The following NALF1 variants were observed in gnomAD, a reference collection of about 807,000 sequenced individuals.
The protein encoded by NALF1 is NALCN channel auxiliary factor 1.
NALF1 carries 3 observed loss-of-function variants against 48.4 expected under a neutral mutation model. The ratio of observed to expected loss-of-function variants is 0.06; its 90% CI spans 0.03 to 0.16. NALF1 has a LOEUF of 0.16. NALF1 is among the 10% of genes least tolerant of loss of function. The pLI is 1.00. For synonymous variants in NALF1, 262 were observed against 245.7 expected (o/e 1.07, Z -0.62); for missense variants, 526 against 571.5 (o/e 0.92, Z 0.81).
chr13:107,625,058 C>T (rs1031447700), intron 1 of NALF1, among the ~76,000 whole-genome samples: 4 of 152,156 alleles, frequency 2.6e-5, no homozygotes, highest in Non-Finnish European at 5.9e-5. Context: ...TCTACTGTGG[C>T]CCCTAATTGG....
chr13:107,812,653 G>A (rs1326560827), intron 1 of NALF1, among the ~76,000 whole-genome samples: 1 of 152,110 alleles, frequency 6.6e-6, no homozygotes, highest in Non-Finnish European at 1.5e-5. Context: ...ATGATTGTAA[G>A]TAGTTAATAT....
intron 1 of NALF1, among the ~76,000 whole-genome samples, chr13:107,741,057 C>T (rs916203454): frequency 3.9e-5 from 6 of 152,172 alleles, no homozygotes. Context: ...CACATTGATT[C>T]TCTTGTTTGG....
chr13:107,756,450 T>TATATATATATATATAC (rs1315578092), intron 1 of NALF1, among the ~76,000 whole-genome samples: 3 of 150,788 alleles, frequency 2.0e-5, no homozygotes, highest in African/African-American at 7.3e-5. Flanking sequence ...TATATATATA[T>TATATATATATATATAC]ATATAAAGCA....
At chr13:107,657,914 C>A (rs529227394) in intron 1 of NALF1, among the ~76,000 whole-genome samples, 31 of 152,224 alleles carry the variant, frequency 2.0e-4, no homozygotes, top group Non-Finnish European at 3.7e-4. Flanking sequence ...TAGTGAGGAG[C>A]TTTGGTGGTA....
Position 107,638,201 on chromosome 13 carries a change from A to ATATATATATATATATATATGTATG in NALF1, c.915+227480_915+227481insCATACATATATATATATATATATA, listed in dbSNP as rs372122331. ...TATATAAAGATTTATATATATATAT[A>ATATATATATATATATATATGTATG]TATATAATTTAAGATGAACATTGGG... On this transcript the variant is annotated intron_variant, in intron 1 of 2. Coordinates refer to ENST00000375915, the MANE Select transcript of NALF1 (RefSeq NM_001080396.3). 8.9e-3 allele frequency among the ~76,000 whole-genome samples: 987 copies of ATATATATATATATATATATGTATG among 110,796 alleles called. 91 individuals are homozygous for ATATATATATATATATATATGTATG. The highest frequency in any genetic ancestry group is 0.039 in the East Asian group (74 of 1,922). The allele number at this position is 110,796 out of a possible 152,430, so 72.7% of individuals were successfully genotyped here.
intron 1 of NALF1, among the ~76,000 whole-genome samples, chr13:107,718,840 G>T (rs529819800): frequency 2.0e-5 from 3 of 152,182 alleles, no homozygotes; most frequent in East Asian, 1.9e-4. Flanking sequence ...TCATTTCCTC[G>T]GTCACCTTAG....
intron 1 of NALF1, among the ~76,000 whole-genome samples, chr13:107,244,584 A>G (rs914809413): frequency 4.6e-5 from 7 of 152,080 alleles, no homozygotes; most frequent in African/African-American, 1.7e-4. Context: ...TGCTTTTTGT[A>G]CATCTTTTGA....
chr13:107,410,913 C>T (rs1883978830), intron 1 of NALF1, among the ~76,000 whole-genome samples: 2 of 152,132 alleles, frequency 1.3e-5, no homozygotes, highest in South Asian at 4.1e-4. Flanking sequence ...TTAAAATGCC[C>T]AGTTCACGGG....
intron 1 of NALF1, among the ~76,000 whole-genome samples, chr13:107,716,390 G>C (rs551340082): frequency 6.6e-5 from 10 of 152,242 alleles, no homozygotes; most frequent in East Asian, 1.9e-4. Flanking sequence ...CCCTGCAAAG[G>C]CTTCATCAGT....
intron 1 of NALF1, among the ~76,000 whole-genome samples, chr13:107,757,337 G>T (rs1301386380): frequency 6.6e-6 from 1 of 151,106 alleles, no homozygotes; most frequent in Non-Finnish European, 1.5e-5. Context: ...TTATTTTGGA[G>T]AAACAGCAAT....
intron 1 of NALF1, among the ~76,000 whole-genome samples, chr13:107,646,933 C>T (rs1880329088): frequency 6.6e-6 from 1 of 151,950 alleles, no homozygotes; most frequent in African/African-American, 2.4e-5. Context: ...AAAGATTTGA[C>T]ATCACATCAA....
intron 1 of NALF1, among the ~76,000 whole-genome samples, chr13:107,270,149 T>C (rs1881131211): frequency 6.6e-6 from 1 of 152,084 alleles, no homozygotes; most frequent in East Asian, 1.9e-4. Context: ...TATGAGGCCA[T>C]CAAAATGTAA....
chr13:107,864,549 AAGAG>A (rs1033412607), intron 1 of NALF1, among the ~76,000 whole-genome samples: 1 of 152,202 alleles, frequency 6.6e-6, no homozygotes, highest in Non-Finnish European at 1.5e-5. Context: ...GTAGGAGAGA[AAGAG>A]AGAGAATGTG....
At position 107,615,683 on chromosome 13, in the gene NALF1, G is replaced by T. The variant is rs138232704; in HGVS notation, c.915+249999C>A. Among the ~76,000 whole-genome samples the T allele has an allele frequency of 4.4e-3, 664 of 152,214 alleles. 6 individuals carry two copies. Among genetic ancestry groups the T allele is most frequent in the African/African-American group, 0.015 (625 of 41,548 alleles). On this transcript the variant is annotated intron_variant, in intron 1 of 2. Transcript: ENST00000375915. The stretch of plus-strand genomic sequence containing the variant: ...TGTGCCCTGATATAAAAAGGGTGGG[G>T]TGCACTGGTCCATACTAGTCATTTG...
chr13:107,654,660 C>T (rs1033486290), intron 1 of NALF1, among the ~76,000 whole-genome samples: 1 of 151,848 alleles, frequency 6.6e-6, no homozygotes, highest in Non-Finnish European at 1.5e-5. Context: ...CCAGTATCAC[C>T]CTAATACCAA....
chr13:107,344,702 G>A (rs1000177404), intron 1 of NALF1, among the ~76,000 whole-genome samples: 1 of 152,064 alleles, frequency 6.6e-6, no homozygotes, highest in Non-Finnish European at 1.5e-5. Flanking sequence ...GGTCATATAT[G>A]AAAAGGACAC....
intron 1 of NALF1, among the ~76,000 whole-genome samples, chr13:107,550,927 C>T (rs557657801): frequency 2.6e-5 from 4 of 151,626 alleles, no homozygotes; most frequent in African/African-American, 9.7e-5. Flanking sequence ...ATTGTTTGTG[C>T]TGTTGTTTCC....
intron 1 of NALF1, among the ~76,000 whole-genome samples, chr13:107,588,400 C>T (rs974289766): frequency 5.9e-5 from 9 of 152,000 alleles, no homozygotes; most frequent in Middle Eastern, 3.2e-3. Context: ...TCTAGAGGCC[C>T]TAAAGGGAGC....
At chr13:107,478,638 T>C (rs911430872) in intron 1 of NALF1, among the ~76,000 whole-genome samples, 4 of 146,776 alleles carry the variant, frequency 2.7e-5, no homozygotes, top group Non-Finnish European at 6.1e-5. Flanking sequence ...CCTAAAAGAG[T>C]TCAACAAAGA....
Sources: gnomAD v4.1 joint callset for allele counts (sites outside exome capture counted in the v4.1 genomes callset) on GRCh38, gnomAD v4.1.1 for gene constraint, MANE v1.5 for transcripts, NCBI Gene and HGNC (gene_info 2026-07-23, HGNC 2026-07-21) for gene names.